CAPN5: variants seen among roughly 807,000 people sequenced by gnomAD.
CAPN5 encodes the protein calpain 5, also known as calpain-5.
CAPN5 carries 54 observed loss-of-function variants against 73.0 expected under a neutral mutation model. The ratio of observed to expected loss-of-function variants is 0.74; its 90% CI spans 0.59 to 0.93. The LOEUF (loss-of-function observed/expected upper bound fraction) is 0.93. Among genes scored for constraint, CAPN5 ranks in the 40% least tolerant of loss-of-function variants. CAPN5 has a pLI of 0.00. For missense variants in CAPN5, 785 were observed against 882.9 expected (o/e 0.89, Z 1.41); for synonymous variants, 335 against 356.9 (o/e 0.94, Z 0.69).
chr11:77,070,557 G>C (rs184480360), intron 1 of CAPN5, among the ~76,000 whole-genome samples: 2 of 152,208 alleles, frequency 1.3e-5, no homozygotes, highest in South Asian at 4.1e-4. Flanking sequence ...GGGCTTCTCC[G>C]GGCAGGAGAG....
At chr11:77,118,764 C>T (rs1950493415) in intron 8 of CAPN5, among the ~76,000 whole-genome samples, 1 of 152,254 alleles carries the variant, frequency 6.6e-6, no homozygotes, top group South Asian at 2.1e-4. Flanking sequence ...CGCTGCTTAG[C>T]CCTGGTGCTT....
chr11:77,123,666 A>G (rs875875), intron 12 of CAPN5, 22 bp from the exon 13 acceptor site: 139,308 of 1,603,534 alleles, frequency 0.087, 8,515 homozygotes, highest in African/African-American at 0.27. Flanking sequence ...CGCCCCTCCC[A>G]TGATCCTCTG....
At chr11:77,098,012 G>C (rs1303248776) in intron 3 of CAPN5, among the ~76,000 whole-genome samples, 1 of 88,530 alleles carries the variant, frequency 1.1e-5, no homozygotes, top group African/African-American at 6.4e-5. Flanking sequence ...GGTGGTGGCC[G>C]GGCAGAGGGG....
At chr11:77,121,453 G>C (rs185173599) in intron 10 of CAPN5, among the ~76,000 whole-genome samples, 35 of 152,386 alleles carry the variant, frequency 2.3e-4, no homozygotes, top group African/African-American at 7.5e-4. Flanking sequence ...GTCCCCTGAA[G>C]GACAGGTGAG....
At chr11:77,117,837 C>T (rs868978309) in intron 7 of CAPN5, among the ~76,000 whole-genome samples, 1 of 152,236 alleles carries the variant, frequency 6.6e-6, no homozygotes, top group Non-Finnish European at 1.5e-5. Flanking sequence ...TAACAGCCAG[C>T]GTTTGCCAGT....
intron 6 of CAPN5, 60 bp from the exon 7 acceptor site, chr11:77,116,166 A>T: frequency 6.7e-7 from 1 of 1,502,864 alleles, no homozygotes; most frequent in Non-Finnish European, 9.1e-7. Context: ...TGCCAGACAG[A>T]TTCTGGTGGG....
At chr11:77,070,111 C>G (rs990114613) in intron 1 of CAPN5, among the ~76,000 whole-genome samples, 3 of 152,192 alleles carry the variant, frequency 2.0e-5, no homozygotes, top group African/African-American at 7.2e-5. Flanking sequence ...GGTTACTGCT[C>G]CCCATTCTGG....
intron 3 of CAPN5, among the ~76,000 whole-genome samples, chr11:77,095,714 C>G (rs887307393): frequency 1.2e-4 from 18 of 152,212 alleles, no homozygotes; most frequent in African/African-American, 3.1e-4. Flanking sequence ...ATGTGTCCTG[C>G]CCTGGGCTTG....
At chr11:77,121,841 T>A in intron 10 of CAPN5, 93 bp from the exon 11 acceptor site, 1 of 649,334 alleles carries the variant, frequency 1.5e-6, no homozygotes. Context: ...TAAATACTGC[T>A]TCTCTTCCCT....
chr11:77,097,480 T>TTA (rs1447131390), intron 3 of CAPN5, among the ~76,000 whole-genome samples: 30 of 144,824 alleles, frequency 2.1e-4, no homozygotes, highest in African/African-American at 6.1e-4. Context: ...TTTTTTTTTT[T>TTA]TTTTTTTTTA....
rs369224922 is a variant in CAPN5, at chr11:77,115,537, G to A, written c.842G>A (p.Arg281His). 3.8e-5 allele frequency: 62 copies of A among 1,613,066 alleles called. No homozygotes were observed. In the Middle Eastern group the frequency reaches 7.3e-4, roughly 19 times the overall value. ...FFKSEKLDMIRLRNPWGEREW... is the reference protein window; with the variant it reads ...FFKSEKLDMIHLRNPWGEREW... ...AAGTCAGAGAAGTTGGACATGATCC[G>A]CCTGCGCAACCCCTGGGGCGAGCGG... The change falls in exon 6 of 13, where the codon CGC (arginine) becomes CAC (histidine). Residue 281 changes from arginine (R) to histidine (H), a missense_variant. Arg to His is a conservative substitution (Grantham distance 29). Transcript: ENST00000648180.
chr11:77,088,469 C>G (rs1950114832), intron 2 of CAPN5, among the ~76,000 whole-genome samples: 1 of 152,074 alleles, frequency 6.6e-6, no homozygotes, highest in Non-Finnish European at 1.5e-5. Flanking sequence ...TCAGGGAGAG[C>G]TTTCAGAGGC....
chr11:77,116,248 A>G lies in CAPN5; in HGVS notation c.916A>G (p.Ser306Gly), dbSNP rs781786380. ...CAGCTCGGAGGAGTGGCAGAAAGTG[A>G]GCAAGAGTGAGCGGGAGAAGATGGG... is the stretch of plus-strand genomic sequence containing the variant. ...SDTSEEWQKVSKSEREKMGVT... is the reference protein window; with the variant it reads ...SDTSEEWQKVGKSEREKMGVT... The change falls in exon 7 of 13, where the codon AGC (serine) becomes GGC (glycine). Residue 306 changes from serine to glycine, a missense_variant. Ser to Gly is a moderately conservative substitution (Grantham distance 56). Transcript: ENST00000648180. 7 of 1,613,434 alleles carry G rather than the reference A, an allele frequency of 4.3e-6. No individual in the cohort carries two copies. Among genetic ancestry groups the G allele is most frequent in the African/African-American group, 1.3e-5 (1 of 75,050 alleles).
intron 3 of CAPN5, among the ~76,000 whole-genome samples, chr11:77,096,662 C>T (rs1337764968): frequency 2.0e-5 from 3 of 152,376 alleles, no homozygotes; most frequent in Admixed American, 1.3e-4. Context: ...TTTGGCTGAA[C>T]ATTTGCCATT....
rs568778135 is a variant in CAPN5 at position 77,077,186 on chromosome 11, G to A, written c.-35-7666G>A. Among the ~76,000 whole-genome samples the A allele has an allele frequency of 1.5e-4, 23 of 152,080 alleles. No individual in the cohort carries two copies. The East Asian group carries it at 1.8e-3, about 12-fold the overall frequency. ...AGCCTGGCCAACATGGCGAAACCCC[G>A]TCTCTACTAAAAATATGAAAATTAG... On this transcript the variant is annotated intron_variant, in intron 1 of 12. Transcript: ENST00000648180.
chr11:77,075,224 G>C (rs1414222671), intron 1 of CAPN5, among the ~76,000 whole-genome samples: 5 of 151,620 alleles, frequency 3.3e-5, no homozygotes, highest in Non-Finnish European at 5.9e-5. Context: ...TTTTTTCTGA[G>C]CACCATGCCA....
chr11:77,119,730 T>C, intron 9 of CAPN5: 1 of 155,808 alleles, frequency 6.4e-6, no homozygotes, highest in Non-Finnish European at 1.4e-5. Context: ...CACCGGGCCC[T>C]GCAGAGGCTG....
chr11:77,073,038 C>A (rs1555033341), intron 1 of CAPN5: 1 of 1,279,696 alleles, frequency 7.8e-7, no homozygotes, highest in South Asian at 1.2e-5. Context: ...CCCACCCCAC[C>A]CCGGGTGAGA....
chr11:77,090,077 C>A (rs1457292041), intron 2 of CAPN5, among the ~76,000 whole-genome samples: 1 of 152,160 alleles, frequency 6.6e-6, no homozygotes, highest in Non-Finnish European at 1.5e-5. Flanking sequence ...TTGCACAGTG[C>A]CTGCCACATA....
Sources: gnomAD v4.1 joint callset for allele counts (sites outside exome capture counted in the v4.1 genomes callset) on GRCh38, gnomAD v4.1.1 for gene constraint, MANE v1.5 for transcripts, NCBI Gene and HGNC (gene_info 2026-07-23, HGNC 2026-07-21) for gene names.